The following GRID1 variants were observed in gnomAD, a reference collection of about 807,000 sequenced individuals.
GRID1 encodes glutamate ionotropic receptor delta type subunit 1.
Under a neutral mutation model 98.0 loss-of-function variants are expected in GRID1, and 28 were observed. The observed-to-expected ratio is 0.29, with a 90% CI of 0.21 to 0.39. The LOEUF (loss-of-function observed/expected upper bound fraction) is 0.39, where lower values mean the gene tolerates loss of function less well. Among genes scored for constraint, GRID1 ranks in the 10% least tolerant of loss-of-function variants. The pLI is 1.00. For missense variants in GRID1, 1,111 were observed against 1,340.5 expected (o/e 0.83, Z 2.67); for synonymous variants, 553 against 538.5 (o/e 1.03, Z -0.37).
chr10:86,227,023 C>G (rs1363063281), intron 2 of GRID1, among the ~76,000 whole-genome samples: 1 of 152,224 alleles, frequency 6.6e-6, no homozygotes. Flanking sequence ...AGAGGAGCCA[C>G]CCTGAGCTGT....
chr10:86,068,248 C>A (rs1406748792), intron 4 of GRID1, among the ~76,000 whole-genome samples: 1 of 152,144 alleles, frequency 6.6e-6, no homozygotes, highest in Middle Eastern at 3.2e-3. Context: ...GAAATTCATG[C>A]AAACATATTT....
At position 85,602,157 on chromosome 10, in the gene GRID1, GTC is replaced by G. The variant is rs1842584361; in HGVS notation, c.*114_*115del. ...ACATATGTACAAGAAAAATGAAAGAGTCTCTGTGTATGTGTGTGTGTGCGAGT... is the reference window on the plus strand; with the variant it reads ...ACATATGTACAAGAAAAATGAAAGAGTCTGTGTATGTGTGTGTGTGCGAGT... On this transcript the variant is annotated 3_prime_UTR_variant, in exon 16 of 16. Coordinates refer to ENST00000327946, the MANE Select transcript of GRID1 (RefSeq NM_017551.3). 2 of 582,780 alleles carry G rather than the reference GTC, an allele frequency of 3.4e-6. No homozygotes were observed. Among genetic ancestry groups the G allele is most frequent in the Non-Finnish European group, 5.9e-6 (2 of 341,134 alleles). 36.1% of individuals were successfully genotyped at this position (582,780 alleles called of 1,614,324 possible).
intron 4 of GRID1, among the ~76,000 whole-genome samples, chr10:86,122,652 G>A (rs1564681721): frequency 6.6e-6 from 1 of 152,226 alleles, no homozygotes; most frequent in Admixed American, 6.5e-5. Flanking sequence ...GCCCCTCATA[G>A]AAAGAAACAG....
intron 5 of GRID1, among the ~76,000 whole-genome samples, chr10:85,877,671 A>G (rs1840916656): frequency 6.6e-6 from 1 of 152,224 alleles, no homozygotes; most frequent in South Asian, 2.1e-4. Flanking sequence ...AAGATGGGGA[A>G]AAAACAGAGC....
chr10:86,311,459 CT>C (rs1847831121), intron 2 of GRID1, among the ~76,000 whole-genome samples: 1 of 152,214 alleles, frequency 6.6e-6, no homozygotes, highest in South Asian at 2.1e-4. Flanking sequence ...CACAACAAAA[CT>C]TGCCTCCACC....
At chr10:86,317,099 C>T (rs1847910599) in intron 2 of GRID1, among the ~76,000 whole-genome samples, 2 of 152,228 alleles carry the variant, frequency 1.3e-5, no homozygotes, top group Admixed American at 6.5e-5. Context: ...AGCTGCCTAG[C>T]TCCCCACCCC....
rs78722545 is a variant in GRID1, at chr10:85,610,802, T to C, written c.2601+2605A>G. 9.8e-3 allele frequency among the ~76,000 whole-genome samples: 1,485 copies of C among 152,152 alleles called. 33 individuals are homozygous for C. The highest frequency in any genetic ancestry group is 0.034 in the African/African-American group (1,418 of 41,498). On this transcript the variant is annotated intron_variant, in intron 15 of 15. Transcript: ENST00000327946. ...AGAGAGGGAAGAAGGAAGGGAGACA[T>C]TGCATTTGAAATTTGGAAACCCATA...
intron 12 of GRID1, among the ~76,000 whole-genome samples, chr10:85,685,361 G>C (rs1841257237): frequency 6.6e-6 from 1 of 152,022 alleles, no homozygotes; most frequent in Admixed American, 6.6e-5. Context: ...CTAACACAAG[G>C]TGTCTATATC....
intron 2 of GRID1, among the ~76,000 whole-genome samples, chr10:86,295,413 T>C (rs1405048804): frequency 6.6e-6 from 1 of 152,066 alleles, no homozygotes; most frequent in Non-Finnish European, 1.5e-5. Flanking sequence ...AGGTCAGCAG[T>C]GAGCCCGAGC....
chr10:86,143,975 T>C (rs1305990024), intron 3 of GRID1, among the ~76,000 whole-genome samples: 1 of 152,098 alleles, frequency 6.6e-6, no homozygotes, highest in Non-Finnish European at 1.5e-5. Flanking sequence ...CCAGGCCTTC[T>C]CAATACCCAA....
rs1229539267 is a variant in GRID1, at chr10:85,825,935, A to C, written c.1233+28561T>G. On this transcript the variant is annotated intron_variant, in intron 8 of 15. Coordinates refer to ENST00000327946, the MANE Select transcript of GRID1 (RefSeq NM_017551.3). The stretch of plus-strand genomic sequence containing the variant: ...ATTCTTCAATAAATTAAGGTAAAAA[A>C]GAAGAGGAAAAAAAGATAAAATAAC... Among the ~76,000 whole-genome samples, 4 of 152,300 alleles carry C rather than the reference A, an allele frequency of 2.6e-5. No homozygotes were observed. In the East Asian group the frequency reaches 7.7e-4, roughly 29 times the overall value.
chr10:86,320,519 C>T (rs568514959), intron 2 of GRID1, among the ~76,000 whole-genome samples: 4 of 152,052 alleles, frequency 2.6e-5, no homozygotes, highest in African/African-American at 4.8e-5. Context: ...GGTGGTTTTG[C>T]GGGGCTGGAG....
chr10:85,979,080 G>C (rs1420319354), intron 4 of GRID1, among the ~76,000 whole-genome samples: 2 of 152,134 alleles, frequency 1.3e-5, no homozygotes, highest in Non-Finnish European at 2.9e-5. Flanking sequence ...GGGCCTGTGA[G>C]CATAATAAAG....
intron 2 of GRID1, among the ~76,000 whole-genome samples, chr10:86,320,488 C>T (rs1847955018): frequency 6.6e-6 from 1 of 152,032 alleles, no homozygotes; most frequent in Non-Finnish European, 1.5e-5. Context: ...TAGTCAAAGT[C>T]AGAAGGAGAG....
intron 3 of GRID1, among the ~76,000 whole-genome samples, chr10:86,163,297 G>A (rs1472483941): frequency 3.3e-5 from 5 of 152,220 alleles, no homozygotes; most frequent in East Asian, 1.9e-4. Flanking sequence ...CAGGTGAGGC[G>A]CTCCATGGCC....
intron 2 of GRID1, among the ~76,000 whole-genome samples, chr10:86,219,767 G>C (rs1314532373): frequency 1.3e-5 from 2 of 152,098 alleles, no homozygotes; most frequent in Non-Finnish European, 2.9e-5. Flanking sequence ...ACATTTACTG[G>C]TCAAAATGCT....
intron 8 of GRID1, among the ~76,000 whole-genome samples, chr10:85,789,647 C>T (rs1842460216): frequency 6.6e-6 from 1 of 152,144 alleles, no homozygotes; most frequent in Non-Finnish European, 1.5e-5. Context: ...ACAATTAAAG[C>T]AGCAAACACT....
At chr10:85,981,402 T>A (rs1842542709) in intron 4 of GRID1, among the ~76,000 whole-genome samples, 2 of 152,198 alleles carry the variant, frequency 1.3e-5, no homozygotes, top group African/African-American at 4.8e-5. Flanking sequence ...TAGAAGGGAA[T>A]CTGGAAGCAG....
At chr10:86,340,227 G>A (rs904540899) in intron 2 of GRID1, among the ~76,000 whole-genome samples, 2 of 152,186 alleles carry the variant, frequency 1.3e-5, no homozygotes, top group Non-Finnish European at 2.9e-5. Flanking sequence ...TGAGAGTGCG[G>A]GGATGAAATG....
Sources: gnomAD v4.1 joint callset for allele counts (sites outside exome capture counted in the v4.1 genomes callset) on GRCh38, gnomAD v4.1.1 for gene constraint, MANE v1.5 for transcripts, NCBI Gene and HGNC (gene_info 2026-07-23, HGNC 2026-07-21) for gene names.